Variants in ARHGAP15 observed in about 807,000 individuals in gnomAD.
ARHGAP15 encodes rho GTPase-activating protein 15.
ARHGAP15 carries 51 observed loss-of-function variants against 63.7 expected under a neutral mutation model. The ratio of observed to expected loss-of-function variants is 0.80; its 90% CI spans 0.64 to 1.01. The LOEUF (loss-of-function observed/expected upper bound fraction) is 1.01. Among genes scored for constraint, ARHGAP15 ranks in the 50% least tolerant of loss-of-function variants. ARHGAP15 has a pLI of 0.00. For synonymous variants in ARHGAP15, 191 were observed against 193.8 expected, an observed-to-expected ratio of 0.99 and a Z score of 0.12; for missense variants, 560 against 564.6, an observed-to-expected ratio of 0.99 and a Z score of 0.08.
At chr2:143,439,766 T>C (rs549311443) in intron 8 of ARHGAP15, among the ~76,000 whole-genome samples, 1 of 152,264 alleles carries the variant, frequency 6.6e-6, no homozygotes, top group Non-Finnish European at 1.5e-5. Context: ...CCTGTACTTT[T>C]AATCATTACA....
intron 6 of ARHGAP15, among the ~76,000 whole-genome samples, chr2:143,359,799 C>T (rs188187900): frequency 5.5e-4 from 83 of 152,210 alleles, no homozygotes; most frequent in Admixed American, 2.2e-3. Context: ...CATTAGAAAA[C>T]GGAACCCTTG....
intron 6 of ARHGAP15, among the ~76,000 whole-genome samples, chr2:143,320,417 C>CG (rs1574269063): frequency 2.1e-5 from 2 of 94,768 alleles, no homozygotes; most frequent in African/African-American, 8.0e-5. Context: ...CACCCCCCCC[C>CG]CCCCCAGAGA....
In ARHGAP15 at chr2:143,539,993, C is replaced by T. The variant is rs1217464915; in HGVS notation, c.926-16415C>T. On this transcript the variant is annotated intron_variant, in intron 10 of 13. Coordinates refer to ENST00000295095, the MANE Select transcript of ARHGAP15 (RefSeq NM_018460.4). Reference sequence around the variant, plus strand: ...TTGACAGTGGGGTGTTAAAATCTCCCATTATTATTGTGTGGGAGTCTGAGT... The same window carrying T: ...TTGACAGTGGGGTGTTAAAATCTCCTATTATTATTGTGTGGGAGTCTGAGT... 3.3e-5 allele frequency among the ~76,000 whole-genome samples: 5 copies of T among 152,214 alleles called. No homozygotes were observed. In the East Asian group the frequency reaches 9.7e-4, roughly 29 times the overall value.
At chr2:143,313,040 T>A (rs1683520798) in intron 6 of ARHGAP15, among the ~76,000 whole-genome samples, 1 of 152,142 alleles carries the variant, frequency 6.6e-6, no homozygotes, top group African/African-American at 2.4e-5. Flanking sequence ...ACTGTAATAC[T>A]GTATTTTAAA....
At chr2:143,735,866 G>C (rs1685725286) in intron 13 of ARHGAP15, among the ~76,000 whole-genome samples, 1 of 152,130 alleles carries the variant, frequency 6.6e-6, no homozygotes, top group South Asian at 2.1e-4. Context: ...CATAAATGAA[G>C]GCTAACTCAC....
intron 12 of ARHGAP15, among the ~76,000 whole-genome samples, chr2:143,644,467 G>A (rs1355444349): frequency 2.0e-5 from 3 of 152,032 alleles, no homozygotes; most frequent in African/African-American, 7.2e-5. Flanking sequence ...AGAAAGGAGT[G>A]CAGGCAAAGA....
intron 10 of ARHGAP15, among the ~76,000 whole-genome samples, chr2:143,525,545 C>A (rs1694236699): frequency 6.6e-6 from 1 of 151,864 alleles, no homozygotes; most frequent in Non-Finnish European, 1.5e-5. Flanking sequence ...TAAAGAAGCT[C>A]CATGAAAGTT....
intron 9 of ARHGAP15, among the ~76,000 whole-genome samples, chr2:143,513,369 C>T (rs539416453): frequency 6.6e-6 from 1 of 152,148 alleles, no homozygotes; most frequent in Admixed American, 6.5e-5. Context: ...ATAAAAAATA[C>T]CCTGTAGCTG....
chr2:143,719,765 C>T (rs994293674), intron 13 of ARHGAP15, among the ~76,000 whole-genome samples: 5 of 152,150 alleles, frequency 3.3e-5, no homozygotes, highest in African/African-American at 1.2e-4. Context: ...AATAAATGTA[C>T]GCCCTGCCCT....
intron 2 of ARHGAP15, among the ~76,000 whole-genome samples, chr2:143,178,217 C>T (rs978363643): frequency 6.6e-6 from 1 of 152,090 alleles, no homozygotes; most frequent in African/African-American, 2.4e-5. Flanking sequence ...TGGTCAAGGT[C>T]CTCCACAAAA....
chr2:143,317,487 AAAG>A (rs1314049203), intron 6 of ARHGAP15, among the ~76,000 whole-genome samples: 3 of 152,366 alleles, frequency 2.0e-5, no homozygotes, highest in Admixed American at 6.5e-5. Context: ...GAAGTAGAAG[AAAG>A]AAGACTTGTT....
chr2:143,131,882 C>A (rs1239537093), intron 1 of ARHGAP15, among the ~76,000 whole-genome samples: 2 of 152,084 alleles, frequency 1.3e-5, no homozygotes, highest in South Asian at 2.1e-4. Context: ...TTGGTCCTGC[C>A]TGTGGCATTT....
intron 11 of ARHGAP15, among the ~76,000 whole-genome samples, chr2:143,584,037 C>T (rs1316816086): frequency 3.9e-5 from 6 of 151,996 alleles, no homozygotes; most frequent in Non-Finnish European, 7.4e-5. Context: ...TAATATATAC[C>T]GAATGAGAAA....
intron 6 of ARHGAP15, among the ~76,000 whole-genome samples, chr2:143,392,158 G>A (rs768185305): frequency 3.3e-5 from 5 of 152,220 alleles, no homozygotes; most frequent in East Asian, 1.9e-4. Flanking sequence ...AGAACACACC[G>A]GAAATATACT....
chr2:143,598,089 C>A (rs759496261), intron 11 of ARHGAP15: 2 of 152,150 alleles, frequency 1.3e-5, no homozygotes, highest in Non-Finnish European at 2.9e-5. Context: ...AGGGTTGTTT[C>A]CAACAATGAA....
At chr2:143,624,094 T>C in intron 11 of ARHGAP15, 39 bp from the exon 12 acceptor site, 2 of 1,608,020 alleles carry the variant, frequency 1.2e-6, no homozygotes, top group Non-Finnish European at 1.7e-6. Context: ...AATTGTTTCA[T>C]TAAAACCAGT....
At chr2:143,627,562 G>A (rs192138257) in intron 12 of ARHGAP15, among the ~76,000 whole-genome samples, 165 of 152,158 alleles carry the variant, frequency 1.1e-3, no homozygotes, top group Non-Finnish European at 2.1e-3. Flanking sequence ...TTTATACCCC[G>A]TCACAGGGCT....
chr2:143,473,145 A>C (rs1244725596), intron 8 of ARHGAP15, among the ~76,000 whole-genome samples: 2 of 152,178 alleles, frequency 1.3e-5, no homozygotes, highest in East Asian at 3.8e-4. Flanking sequence ...GAGAAAAGAA[A>C]TATTTTTGCC....
At chr2:143,689,766 T>C (rs552157909) in intron 12 of ARHGAP15, among the ~76,000 whole-genome samples, 1 of 152,310 alleles carries the variant, frequency 6.6e-6, no homozygotes, top group South Asian at 2.1e-4. Context: ...CCTAAAGAAT[T>C]TTGCCAGTCT....
Sources: allele counts gnomAD v4.1 joint callset (sites outside exome capture counted in the v4.1 genomes callset), GRCh38; gene constraint gnomAD v4.1.1; transcripts MANE v1.5; gene names NCBI Gene and HGNC (gene_info 2026-07-23, HGNC 2026-07-21).